Variants in GALNT1 observed in about 807,000 individuals in gnomAD.
The protein encoded by GALNT1 is GalNAc transferase 1.
In GALNT1, 17 loss-of-function variants were observed where a neutral mutation model predicts 65.7. The ratio of observed to expected loss-of-function variants is 0.26; its 90% CI spans 0.18 to 0.39. The LOEUF is 0.39. GALNT1 is among the 10% of genes least tolerant of loss of function. The probability of loss-of-function intolerance (pLI) is 1.00; values close to 1 mark genes in which losing one functional copy is unlikely to be tolerated. For synonymous variants in GALNT1, 210 were observed against 219.7 expected (o/e 0.96, Z 0.39); for missense variants, 460 against 672.8 (o/e 0.68, Z 3.50).
At position 35,663,121 on chromosome 18, in the gene GALNT1, G is replaced by C. The variant is rs959687339; in HGVS notation, c.140-507G>C. On this transcript the variant is annotated intron_variant, in intron 2 of 11. Transcript: ENST00000269195. Reference sequence around the variant, plus strand: ...GCATGGGAAGGCAAATAGGGATTTGGTGTTGCAGCGATGGAAGCCGTGAGG... The same window carrying C: ...GCATGGGAAGGCAAATAGGGATTTGCTGTTGCAGCGATGGAAGCCGTGAGG... Among the ~76,000 whole-genome samples, 144 of 152,308 alleles carry C rather than the reference G, an allele frequency of 9.5e-4. 1 individual carries two copies. The highest frequency in any genetic ancestry group is 3.0e-3 in the African/African-American group (125 of 41,572).
At chr18:35,675,721 A>G (rs1424097299) in intron 3 of GALNT1, among the ~76,000 whole-genome samples, 1 of 152,260 alleles carries the variant, frequency 6.6e-6, no homozygotes, top group Non-Finnish European at 1.5e-5. Context: ...GGTAGCAGCT[A>G]TATAGCCACC....
At position 35,581,763 on chromosome 18, in the gene GALNT1, A is replaced by C. The variant is rs2143790212; in HGVS notation, c.-203A>C. On this transcript the variant is annotated 5_prime_UTR_variant, in exon 1 of 12. Transcript: ENST00000269195. ...GCAGTGGCCGAGGAGCGCGCGGCGG[A>C]CGGCGGCCCGAGAGTAGCGCGCTGG... is the stretch of plus-strand genomic sequence containing the variant. 1.6e-5 allele frequency: 2 copies of C among 124,786 alleles called. No individual in the cohort carries two copies. Among genetic ancestry groups the C allele is most frequent in the South Asian group, 5.9e-4 (2 of 3,378 alleles). The allele number at this position is 124,786 out of a possible 1,614,324, so 7.7% of individuals were successfully genotyped here.
At chr18:35,633,697 TA>T (rs968373431) in intron 1 of GALNT1, among the ~76,000 whole-genome samples, 4 of 152,010 alleles carry the variant, frequency 2.6e-5, no homozygotes, top group East Asian at 1.9e-4. Flanking sequence ...AGTATTATAA[TA>T]AAAAAAATTA....
chr18:35,685,558 T>G (rs1328488496), intron 5 of GALNT1, among the ~76,000 whole-genome samples: 1 of 151,270 alleles, frequency 6.6e-6, no homozygotes, highest in African/African-American at 2.4e-5. Context: ...TTTAAAAAGA[T>G]GTGGAAGAAG....
Position 35,711,365 on chromosome 18 carries a change from G to A in GALNT1, c.*1595G>A, listed in dbSNP as rs146877704. Reference sequence around the variant, plus strand: ...TAAGAATGTTTCCAAAAGTCGCATCGCTAATGATATTTGCCAAGTTGAGTG... The same window carrying A: ...TAAGAATGTTTCCAAAAGTCGCATCACTAATGATATTTGCCAAGTTGAGTG... On this transcript the variant is annotated 3_prime_UTR_variant, in exon 12 of 12. Transcript: ENST00000269195. 3.3e-5 allele frequency: 5 copies of A among 152,668 alleles called. No individual in the cohort carries two copies. The highest frequency in any genetic ancestry group is 2.1e-4 in the South Asian group (1 of 4,820). 9.5% of individuals were successfully genotyped at this position (152,668 alleles called of 1,614,324 possible).
chr18:35,616,187 C>G (rs940168371), intron 1 of GALNT1, among the ~76,000 whole-genome samples: 3 of 152,144 alleles, frequency 2.0e-5, no homozygotes, highest in African/African-American at 7.2e-5. Flanking sequence ...ATGTAAATTG[C>G]AGAGGTAGAC....
chr18:35,597,237 G>A (rs1229491564), intron 1 of GALNT1: 1 of 152,202 alleles, frequency 6.6e-6, no homozygotes, highest in Admixed American at 6.5e-5. Flanking sequence ...TGTACCAGGG[G>A]TGAGAGTAGG....
intron 3 of GALNT1, among the ~76,000 whole-genome samples, chr18:35,667,964 TA>T (rs2047573173): frequency 6.6e-6 from 1 of 152,240 alleles, no homozygotes; most frequent in African/African-American, 2.4e-5. Context: ...TCCTGTTAGC[TA>T]GGCATTAAGT....
chr18:35,614,578 A>C (rs1213421291), intron 1 of GALNT1, among the ~76,000 whole-genome samples: 1 of 152,184 alleles, frequency 6.6e-6, no homozygotes, highest in African/African-American at 2.4e-5. Context: ...TCACAATTGC[A>C]CTGGAGATAT....
intron 1 of GALNT1, among the ~76,000 whole-genome samples, chr18:35,644,686 C>T (rs1000173004): frequency 1.2e-4 from 18 of 152,054 alleles, no homozygotes; most frequent in Non-Finnish European, 2.2e-4. Flanking sequence ...GTTTTAAGTA[C>T]GTCTGCTTTA....
intron 1 of GALNT1, among the ~76,000 whole-genome samples, chr18:35,625,240 G>C (rs146584373): frequency 3.5e-4 from 53 of 152,294 alleles, no homozygotes; most frequent in Non-Finnish European, 5.6e-4. Flanking sequence ...GGCACACGGT[G>C]GGTGAAGCTG....
At chr18:35,700,243 C>T (rs925725330) in intron 9 of GALNT1, among the ~76,000 whole-genome samples, 1 of 152,224 alleles carries the variant, frequency 6.6e-6, no homozygotes, top group Non-Finnish European at 1.5e-5. Flanking sequence ...GATGTCCCTT[C>T]AGCTACAAAG....
At chr18:35,686,976 A>ATGTT (rs1480665932) in intron 5 of GALNT1, 40 bp from the exon 6 acceptor site, 2 of 1,574,078 alleles carry the variant, frequency 1.3e-6, no homozygotes, top group Non-Finnish European at 1.7e-6. Flanking sequence ...TTAAACAGGA[A>ATGTT]TGTTTTGAAA....
intron 11 of GALNT1, among the ~76,000 whole-genome samples, chr18:35,708,956 C>G (rs1032270826): frequency 2.6e-4 from 39 of 152,212 alleles, no homozygotes; most frequent in Non-Finnish European, 1.8e-4. Context: ...GTTACCCAGG[C>G]TGTGAACTCA....
At chr18:35,665,356 A>T (rs2047534926) in intron 3 of GALNT1, among the ~76,000 whole-genome samples, 1 of 152,186 alleles carries the variant, frequency 6.6e-6, no homozygotes, top group Admixed American at 6.6e-5. Flanking sequence ...GGACAACAGT[A>T]AAATTATATG....
intron 9 of GALNT1, among the ~76,000 whole-genome samples, chr18:35,700,682 C>T (rs547353336): frequency 6.6e-6 from 1 of 152,304 alleles, no homozygotes; most frequent in African/African-American, 2.4e-5. Flanking sequence ...AGGGTCTCAT[C>T]ATGTTGGCCA....
intron 9 of GALNT1, among the ~76,000 whole-genome samples, chr18:35,698,394 TG>T (rs2048097262): frequency 6.6e-6 from 1 of 151,906 alleles, no homozygotes; most frequent in African/African-American, 2.4e-5. Context: ...GCTTGAACCT[TG>T]GGGGTAGAGG....
intron 3 of GALNT1, among the ~76,000 whole-genome samples, chr18:35,673,844 CTGAGG>C (rs1394497737): frequency 6.6e-6 from 1 of 152,180 alleles, no homozygotes; most frequent in Non-Finnish European, 1.5e-5. Flanking sequence ...TATTTAATGA[CTGAGG>C]TATGTTCTGA....
intron 2 of GALNT1, among the ~76,000 whole-genome samples, chr18:35,662,506 G>A (rs2047491560): frequency 6.6e-6 from 1 of 152,080 alleles, no homozygotes; most frequent in Admixed American, 6.6e-5. Context: ...TGTACCACTG[G>A]CTGAAACAAT....
Sources: allele counts gnomAD v4.1 joint callset (sites outside exome capture counted in the v4.1 genomes callset), GRCh38; gene constraint gnomAD v4.1.1; transcripts MANE v1.5; gene names NCBI Gene and HGNC (gene_info 2026-07-23, HGNC 2026-07-21).